The following TTN variants were observed in gnomAD, a reference collection of about 807,000 sequenced individuals.
The protein encoded by TTN is titin.
A neutral mutation model predicts 3,223.0 loss-of-function variants in TTN; 1,525 were observed. The observed-to-expected ratio is 0.47, with a 90% CI of 0.45 to 0.49. TTN has a LOEUF of 0.49. TTN is among the 20% of genes least tolerant of loss of function. The pLI is 0.00. For synonymous variants in TTN, 14,094 were observed against 15,161.0 expected (o/e 0.93, Z 5.17); for missense variants, 40,786 against 43,424.0 (o/e 0.94, Z 5.40).
chr2:178,640,192 G>A (rs770172592), intron 221 of TTN, 82 bp from the exon 222 acceptor site: 33 of 1,269,384 alleles, frequency 2.6e-5, no homozygotes, highest in Non-Finnish European at 3.1e-5. Flanking sequence ...TTAAGCCCAC[G>A]TATCTTGGAA....
Position 178,539,687 on chromosome 2 carries a change from A to G in TTN, c.98378T>C (p.Ile32793Thr), listed in dbSNP as rs780370705. The change falls in exon 352 of 363, where the codon ATA (isoleucine) becomes ACA (threonine). Residue 32793 changes from isoleucine to threonine, a missense_variant. Coordinates refer to ENST00000589042, the MANE Select transcript of TTN (RefSeq NM_001267550.2). Reference protein sequence around the residue: ...KKAVYIKVRVIGSPNSPEGPL... With the variant: ...KKAVYIKVRVTGSPNSPEGPL... The stretch of plus-strand genomic sequence containing the variant: ...CCCTTCTGGACTGTTGGGACTTCCT[A>G]TCACCCTGACCTTGATGTAGACAGC... 3.1e-6 allele frequency: 5 copies of G among 1,613,692 alleles called. No individual in the cohort carries two copies. The highest frequency in any genetic ancestry group is 2.2e-5 in the East Asian group (1 of 44,858).
Position 178,537,544 on chromosome 2 carries a change from A to G in TTN, c.99663T>C (p.Ile33221=). Residue 33221 remains isoleucine, a synonymous_variant, in exon 355 of 363, where the codon ATT becomes ATC. Transcript: ENST00000589042. The part of the protein sequence containing the change: ...GSTLRLHVMY[I]GRPVPAMTWF... Reference sequence around the variant, plus strand: ...AAGTCATGGCAGGTACTGGACGACCAATGTACATAACATGAAGCCGAAGTG... The same window carrying G: ...AAGTCATGGCAGGTACTGGACGACCGATGTACATAACATGAAGCCGAAGTG... 2 of 1,613,750 alleles carry G rather than the reference A, an allele frequency of 1.2e-6. No homozygotes were observed. The highest frequency in any genetic ancestry group is 1.7e-6 in the Non-Finnish European group (2 of 1,179,762).
At position 178,560,386 on chromosome 2, in the gene TTN, T is replaced by G. The variant is rs771116739; in HGVS notation, c.85746A>C (p.Ile28582=). ...CTCGCCTTTCAATTATATATCCAGA[T>G]ATTTCACTACCTCCATCACTCTCGG... The part of the protein sequence containing the change: ...SRPESDGGSE[I]SGYIIERREK... The change falls in exon 326 of 363, where the codon ATA becomes ATC. Residue 28582 remains isoleucine, a synonymous_variant. Transcript: ENST00000589042. The G allele has an allele frequency of 2.2e-5, 36 of 1,613,630 alleles. No homozygotes were observed. The highest frequency in any genetic ancestry group is 2.8e-5 in the Non-Finnish European group (33 of 1,179,798).
Position 178,556,986 on chromosome 2 carries a change from C to T in TTN, c.88168G>A (p.Val29390Ile), listed in dbSNP as rs1701757178. The change falls in exon 330 of 363, where the codon GTT becomes ATT. Residue 29390 changes from valine to isoleucine, a missense_variant. Val to Ile is a conservative substitution (Grantham distance 29). Transcript: ENST00000589042. ...GAGATGATGAATTGAGTTTCAGTAA[C>T]ATTGGTGAAGCTGGCCTTGGTCCAT... ...GRWTKASFTN[V>I]TETQFIISGL... is the part of the protein sequence containing the mutation. 6.2e-7 allele frequency: 1 copy of T among 1,613,678 alleles called. No homozygotes were observed. Among genetic ancestry groups the T allele is most frequent in the Admixed American group, 1.7e-5 (1 of 59,980 alleles).
At chr2:178,750,583 T>C in intron 47 of TTN, 1 of 1,612,572 alleles carries the variant, frequency 6.2e-7, no homozygotes, top group South Asian at 1.1e-5. Flanking sequence ...GGCAACGTTG[T>C]GGGCGTTTTC....
In TTN at chr2:178,751,990, G is replaced by A. The variant is rs727505183; in HGVS notation, c.11311+1134C>T. 2.5e-5 allele frequency: 39 copies of A among 1,587,408 alleles called. No individual in the cohort carries two copies. The highest frequency in any genetic ancestry group is 1.3e-4 in the East Asian group (6 of 44,744). ...CTATGTCTTCAGAATCTGAAAAGGC[G>A]TCACGTGTATCCCTTTCTGAATGTT... On this transcript the variant is annotated intron_variant, in intron 47 of 362. Coordinates refer to ENST00000589042, the MANE Select transcript of TTN (RefSeq NM_001267550.2).
rs1488243679 is a variant in TTN, at chr2:178,771,427, A to G, written c.7900T>C (p.Ser2634Pro). 2.5e-6 allele frequency: 4 copies of G among 1,613,840 alleles called. No homozygotes were observed. Among genetic ancestry groups the G allele is most frequent in the African/African-American group, 2.7e-5 (2 of 74,920 alleles). Reference sequence around the variant, plus strand: ...TCACATTCAAACACAGCTTCCTGGGATTCAGCTACGGTCTGATCTGTGAGT... The same window carrying G: ...TCACATTCAAACACAGCTTCCTGGGGTTCAGCTACGGTCTGATCTGTGAGT... ...KPLTDQTVAE[S>P]QEAVFECEVA... The change falls in exon 34 of 363, where the codon TCC becomes CCC. Residue 2634 changes from serine (S) to proline (P), a missense_variant. By Grantham distance (74) the Ser-to-Pro change is moderately conservative. Coordinates refer to ENST00000589042, the MANE Select transcript of TTN (RefSeq NM_001267550.2).
rs776032171 is a variant in TTN at position 178,714,040 on chromosome 2, T to C, written c.26618A>G (p.Asp8873Gly). 6 of 1,613,588 alleles carry C rather than the reference T, an allele frequency of 3.7e-6. No individual in the cohort carries two copies. The highest frequency in any genetic ancestry group is 5.1e-6 in the Non-Finnish European group (6 of 1,179,690). ...WFKDGKELTS[D>G]NKYKISFFNK... ...GAAGAAGCTTATTTTGTATTTGTTG[T>C]CACTTGTTAGCTCTTTTCCATCCTT... Residue 8873 changes from aspartate to glycine, a missense_variant, in exon 92 of 363, where the codon GAC becomes GGC. Asp to Gly is a moderately conservative substitution (Grantham distance 94, BLOSUM62 -1). Coordinates refer to ENST00000589042, the MANE Select transcript of TTN (RefSeq NM_001267550.2).
intron 3 of TTN, among the ~76,000 whole-genome samples, chr2:178,801,237 C>T (rs1012007558): frequency 6.6e-6 from 1 of 152,232 alleles, no homozygotes; most frequent in African/African-American, 2.4e-5. Context: ...AATAACATTA[C>T]TTCATTTTAA....
At chr2:178,802,396 T>A (rs1372131229) in intron 2 of TTN, 55 bp from the exon 3 acceptor site, 1 of 1,565,114 alleles carries the variant, frequency 6.4e-7, no homozygotes, top group African/African-American at 1.4e-5. Context: ...CAAAGTCCTC[T>A]GCTCTGTCCC....
In TTN at chr2:178,558,137, G is replaced by T; in HGVS notation, c.87217C>A (p.Leu29073Ile). Reference sequence around the variant, plus strand: ...TCTCTTGATAAGGTCACTTTGGGAAGTGGTTTTCCAGAGATTGGAATGTCA... The same window carrying T: ...TCTCTTGATAAGGTCACTTTGGGAATTGGTTTTCCAGAGATTGGAATGTCA... ...KVDIPISGKP[L>I]PKVTLSRDGV... is the part of the protein sequence containing the mutation. Residue 29073 changes from leucine to isoleucine, a missense_variant, in exon 328 of 363, where the codon CTT (leucine) becomes ATT (isoleucine). Physicochemically the swap from Leu to Ile is conservative, Grantham distance 5. Transcript: ENST00000589042. 1 of 1,613,876 alleles carries T rather than the reference G, an allele frequency of 6.2e-7. No homozygotes were observed. The highest frequency in any genetic ancestry group is 1.3e-5 in the African/African-American group (1 of 75,048).
In TTN at chr2:178,729,532, C is replaced by T; in HGVS notation, c.18624G>A (p.Val6208=). 6.2e-7 allele frequency: 1 copy of T among 1,613,440 alleles called. No individual in the cohort carries two copies. The highest frequency in any genetic ancestry group is 1.3e-5 in the African/African-American group (1 of 75,006). The change falls in exon 64 of 363, where the codon GTG becomes GTA. Residue 6208 remains valine (V), a synonymous_variant. Transcript: ENST00000589042. ...CCACGTCACTATATTTTACTACCTC[C>T]ACAGGCTTCAGCTCTCTGATAAAGG... ...PPTFIRELKP[V]EVVKYSDVEL... is the part of the protein sequence containing the mutation.
Position 178,575,086 on chromosome 2 carries a change from A to C in TTN, c.71046T>G (p.Phe23682Leu), listed in dbSNP as rs183466952. The part of the protein sequence containing the change: ...QILKQTQRVN[F>L]ETTATSTILN... ...AAATGGTTGAAGTCGCTGTGGTTTCAAAATTAACTCTCTGTGTCTGTTTAA... is the reference window on the plus strand; with the variant it reads ...AAATGGTTGAAGTCGCTGTGGTTTCCAAATTAACTCTCTGTGTCTGTTTAA... The change falls in exon 326 of 363, where the codon TTT (phenylalanine) becomes TTG (leucine). Residue 23682 changes from phenylalanine (F) to leucine (L), a missense_variant. Coordinates refer to ENST00000589042, the MANE Select transcript of TTN (RefSeq NM_001267550.2). The surrounding 1 kb of genome is among the most constrained non-coding windows in gnomAD (Gnocchi z 4.0). 2 of 1,613,334 alleles carry C rather than the reference A, an allele frequency of 1.2e-6. No homozygotes were observed. Among genetic ancestry groups the C allele is most frequent in the Admixed American group, 3.3e-5 (2 of 59,982 alleles).
At position 178,598,500 on chromosome 2, in the gene TTN, T is replaced by C; in HGVS notation, c.57111+6A>G. ...AGTGCATTTCCTTAGTGCCAAGTTT[T>C]CCTACCTTTTCCCATTCTTCTTTTC... On this transcript the variant is annotated splice_donor_region_variant and intron_variant, in intron 292 of 362. Transcript: ENST00000589042. 6.2e-7 allele frequency: 1 copy of C among 1,605,250 alleles called. No individual in the cohort carries two copies. Among genetic ancestry groups the C allele is most frequent in the Non-Finnish European group, 8.5e-7 (1 of 1,177,796 alleles).
rs1267287783 is a variant in TTN at position 178,529,053 on chromosome 2, T to C, written c.106698A>G (p.Glu35566=). 2 of 1,613,844 alleles carry C rather than the reference T, an allele frequency of 1.2e-6. No homozygotes were observed. Among genetic ancestry groups the C allele is most frequent in the Admixed American group, 3.3e-5 (2 of 60,002 alleles). ...KSQEKLALKE[E]ASKVLISEEV... ...CTTCAGAAATCAGAACCTTTGAAGC[T>C]TCCTCTTTGAGGGCTAACTTTTCTT... The change falls in exon 360 of 363, where the codon GAA becomes GAG. Residue 35566 remains glutamate (E), a synonymous_variant. Coordinates refer to ENST00000589042, the MANE Select transcript of TTN (RefSeq NM_001267550.2).
Position 178,576,999 on chromosome 2 carries a change from G to A in TTN, c.69336C>T (p.Phe23112=), listed in dbSNP as rs2046583236. 1 of 1,613,470 alleles carries A rather than the reference G, an allele frequency of 6.2e-7. No homozygotes were observed. Among genetic ancestry groups the A allele is most frequent in the Non-Finnish European group, 8.5e-7 (1 of 1,179,578 alleles). Residue 23112 remains phenylalanine (F), a synonymous_variant, in exon 324 of 363, where the codon TTC becomes TTT. Transcript: ENST00000589042. This position sits in a 1 kb window ranked among gnomAD's most constrained non-coding sequence, Gnocchi z 4.3. ...TKLIQGNEYI[F]RVSAVNHYGK... is the part of the protein sequence containing the mutation. The stretch of plus-strand genomic sequence containing the variant: ...CATAGTGGTTTACAGCTGAGACCCG[G>A]AAGATGTACTCATTTCCTTGGATAA...
intron 9 of TTN, 136 bp downstream of exon 9, chr2:178,793,268 A>C: frequency 7.5e-7 from 1 of 1,328,880 alleles, no homozygotes; most frequent in Non-Finnish European, 1.0e-6. Context: ...AGAAATTTAC[A>C]CATACAACAA....
intron 242 of TTN, 39 bp from the exon 243 acceptor site, chr2:178,622,806 T>C: frequency 1.3e-6 from 2 of 1,488,968 alleles, no homozygotes; most frequent in Non-Finnish European, 1.8e-6. Flanking sequence ...ATGAGGTTTC[T>C]GGAAATTTAC....
At position 178,718,975 on chromosome 2, in the gene TTN, T is replaced by C. The variant is rs373060681; in HGVS notation, c.24227-2A>G. ...GGGTTTGTTCAAAAGATGGTGGTTCTAGATATTGCAAGGCGGAAGGGGAGA... is the reference window on the plus strand; with the variant it reads ...GGGTTTGTTCAAAAGATGGTGGTTCCAGATATTGCAAGGCGGAAGGGGAGA... On this transcript the variant is annotated splice_acceptor_variant, in intron 83 of 362. Coordinates refer to ENST00000589042, the MANE Select transcript of TTN (RefSeq NM_001267550.2). LOFTEE classifies it high-confidence loss of function. 1 of 1,593,120 alleles carries C rather than the reference T, an allele frequency of 6.3e-7. No homozygotes were observed. The highest frequency in any genetic ancestry group is 8.5e-7 in the Non-Finnish European group (1 of 1,169,784).
Sources: allele counts gnomAD v4.1 joint callset (sites outside exome capture counted in the v4.1 genomes callset), GRCh38; gene constraint gnomAD v4.1.1; non-coding constraint Gnocchi (gnomAD v3.1); transcripts MANE v1.5; gene names NCBI Gene and HGNC (gene_info 2026-07-23, HGNC 2026-07-21).